PTPRO: variants seen among roughly 807,000 people sequenced by gnomAD.
The protein encoded by PTPRO is receptor-type tyrosine-protein phosphatase O.
PTPRO carries 62 observed loss-of-function variants against 145.2 expected under a neutral mutation model. That is an observed-to-expected ratio of 0.43 (90% CI 0.35 to 0.53). The LOEUF (loss-of-function observed/expected upper bound fraction) is 0.53. Among genes scored for constraint, PTPRO ranks in the 20% least tolerant of loss-of-function variants. The pLI is 0.01. For missense variants in PTPRO, 1,345 were observed against 1,482.7 expected (o/e 0.91, Z 1.53); for synonymous variants, 565 against 514.7 (o/e 1.10, Z -1.32).
At chr12:15,399,554 T>C (rs923231413) in intron 1 of PTPRO, among the ~76,000 whole-genome samples, 2 of 152,194 alleles carry the variant, frequency 1.3e-5, no homozygotes, top group Non-Finnish European at 2.9e-5. Context: ...AGGGGCCATT[T>C]CTGTTTTCAT....
chr12:15,484,284 A>G (rs751731879), intron 2 of PTPRO, 37 bp downstream of exon 2: 7 of 1,610,546 alleles, frequency 4.3e-6, no homozygotes, highest in Non-Finnish European at 5.9e-6. Flanking sequence ...GTTTCTTCTT[A>G]TTGTTCCCCT....
intron 22 of PTPRO, among the ~76,000 whole-genome samples, 156 bp from the exon 23 acceptor site, chr12:15,581,523 C>T (rs1472534523): frequency 6.8e-6 from 1 of 147,946 alleles, no homozygotes; most frequent in African/African-American, 2.6e-5. Context: ...GATAAGAATT[C>T]ACACTACGTA....
At chr12:15,469,658 T>G (rs987648597) in intron 1 of PTPRO, among the ~76,000 whole-genome samples, 1 of 151,648 alleles carries the variant, frequency 6.6e-6, no homozygotes, top group Non-Finnish European at 1.5e-5. Flanking sequence ...AAATACTGAC[T>G]GCTCTTGTTC....
chr12:15,440,909 A>G (rs1415381470), intron 1 of PTPRO, among the ~76,000 whole-genome samples: 3 of 152,284 alleles, frequency 2.0e-5, no homozygotes, highest in Non-Finnish European at 2.9e-5. Context: ...CCACACAATA[A>G]TGGTAGGGGT....
At chr12:15,420,789 C>G (rs1303541909) in intron 1 of PTPRO, among the ~76,000 whole-genome samples, 1 of 152,252 alleles carries the variant, frequency 6.6e-6, no homozygotes, top group East Asian at 1.9e-4. Flanking sequence ...AATGGGCCCT[C>G]CCTTCTGGGT....
At position 15,586,987 on chromosome 12, in the gene PTPRO, C is replaced by G; in HGVS notation, c.3346C>G (p.Gln1116Glu). The G allele has an allele frequency of 1.2e-6, 2 of 1,614,084 alleles. No homozygotes were observed. The highest frequency in any genetic ancestry group is 1.7e-6 in the Non-Finnish European group (2 of 1,179,998). Residue 1116 changes from glutamine (Q) to glutamate (E), a missense_variant, in exon 24 of 27, where the codon CAG becomes GAG. Coordinates refer to ENST00000281171, the MANE Select transcript of PTPRO (RefSeq NM_030667.3). Reference protein sequence around the residue: ...PTANAAESILQFVHMVRQQAT... With the variant: ...PTANAAESILEFVHMVRQQAT... ...AGCAAATGCTGCAGAAAGTATCCTG[C>G]AGTTTGTACACATGGTCCGACAGCA...
chr12:15,589,610 G>A lies in PTPRO; in HGVS notation c.3546+20G>A. The A allele has an allele frequency of 6.2e-7, 1 of 1,613,408 alleles. No homozygotes were observed. Among genetic ancestry groups the A allele is most frequent in the South Asian group, 1.1e-5 (1 of 91,046 alleles). ...ACAGAGGTAGGAACATAATCTATAT[G>A]TATTTTTAAATTTTCCCTGGACTGA... is the stretch of plus-strand genomic sequence containing the variant. On this transcript the variant is annotated intron_variant, in intron 25 of 26. Coordinates refer to ENST00000281171, the MANE Select transcript of PTPRO (RefSeq NM_030667.3).
At chr12:15,544,836 A>G (rs180943008) in intron 12 of PTPRO, among the ~76,000 whole-genome samples, 18 of 152,282 alleles carry the variant, frequency 1.2e-4, no homozygotes, top group African/African-American at 4.3e-4. Flanking sequence ...CTCAGAGCAG[A>G]AGTGGGACAA....
At chr12:15,533,182 A>G (rs1018572410) in intron 12 of PTPRO, among the ~76,000 whole-genome samples, 5 of 152,316 alleles carry the variant, frequency 3.3e-5, no homozygotes, top group Middle Eastern at 3.4e-3. Flanking sequence ...AGAATGGACT[A>G]TGTAAACCAG....
intron 7 of PTPRO, among the ~76,000 whole-genome samples, chr12:15,512,337 A>T (rs1006002389): frequency 6.6e-6 from 1 of 151,410 alleles, no homozygotes; most frequent in African/African-American, 2.4e-5. Flanking sequence ...CTGGTCTCAA[A>T]CTCCCAACCT....
At chr12:15,547,644 C>T (rs941604796) in intron 13 of PTPRO, among the ~76,000 whole-genome samples, 2 of 152,130 alleles carry the variant, frequency 1.3e-5, no homozygotes, top group Non-Finnish European at 2.9e-5. Flanking sequence ...GCTGAATTTT[C>T]TCTATTCTAA....
rs1457365096 is a variant in PTPRO at position 15,507,452 on chromosome 12, AGG to A, written c.1268-1118_1268-1117del. Reference sequence around the variant, plus strand: ...AAATAAATAAATAAATAAATAAATAAGGAATGAAATACGTAACACATAAAAAC... The same window carrying A: ...AAATAAATAAATAAATAAATAAATAAAATGAAATACGTAACACATAAAAAC... On this transcript the variant is annotated intron_variant, in intron 6 of 26. Transcript: ENST00000281171. Among the ~76,000 whole-genome samples, 1,178 of 150,960 alleles carry A rather than the reference AGG, an allele frequency of 7.8e-3. 16 individuals are homozygous for A. The highest frequency in any genetic ancestry group is 8.1e-3 in the Non-Finnish European group (548 of 67,424).
At chr12:15,330,427 C>G (rs564557434) in intron 1 of PTPRO, among the ~76,000 whole-genome samples, 2 of 152,198 alleles carry the variant, frequency 1.3e-5, no homozygotes, top group Non-Finnish European at 2.9e-5. Flanking sequence ...ACAGTCTACT[C>G]TCGAGATCAA....
At chr12:15,339,549 G>C (rs1240234155) in intron 1 of PTPRO, among the ~76,000 whole-genome samples, 1 of 152,100 alleles carries the variant, frequency 6.6e-6, no homozygotes, top group African/African-American at 2.4e-5. Context: ...AAATACGTGT[G>C]CTCTGTCTTA....
intron 19 of PTPRO, among the ~76,000 whole-genome samples, chr12:15,573,040 G>A (rs905877113): frequency 1.3e-5 from 2 of 152,152 alleles, no homozygotes; most frequent in Non-Finnish European, 2.9e-5. Context: ...TAACCCATGT[G>A]TATTAGTCAT....
At chr12:15,485,503 C>G (rs892117390) in intron 2 of PTPRO, among the ~76,000 whole-genome samples, 2 of 152,044 alleles carry the variant, frequency 1.3e-5, no homozygotes, top group Non-Finnish European at 2.9e-5. Flanking sequence ...AACACCTAGC[C>G]CAAGCCTTAT....
chr12:15,334,842 T>C (rs1436648040), intron 1 of PTPRO, among the ~76,000 whole-genome samples: 1 of 152,142 alleles, frequency 6.6e-6, no homozygotes, highest in African/African-American at 2.4e-5. Flanking sequence ...CTTTAATGAA[T>C]TGTTTTCCTT....
chr12:15,361,838 C>A (rs566191551), intron 1 of PTPRO, among the ~76,000 whole-genome samples: 5 of 152,202 alleles, frequency 3.3e-5, no homozygotes, highest in Middle Eastern at 3.4e-3. Context: ...TGTACAAGAA[C>A]CTTAAAGTTC....
intron 7 of PTPRO, among the ~76,000 whole-genome samples, chr12:15,509,543 A>G (rs1007852160): frequency 1.3e-5 from 2 of 151,804 alleles, no homozygotes; most frequent in African/African-American, 4.8e-5. Context: ...CTAAAAATAC[A>G]AAAATTAGCC....
Sources: gnomAD v4.1 joint callset for allele counts (sites outside exome capture counted in the v4.1 genomes callset) on GRCh38, gnomAD v4.1.1 for gene constraint, MANE v1.5 for transcripts, NCBI Gene and HGNC (gene_info 2026-07-23, HGNC 2026-07-21) for gene names.